CLVS1: variants seen among roughly 807,000 people sequenced by gnomAD.
The protein encoded by CLVS1 is clavesin-1.
In CLVS1, 10 loss-of-function variants were observed where a neutral mutation model predicts 33.1. The ratio of observed to expected loss-of-function variants is 0.30; its 90% CI spans 0.19 to 0.51. CLVS1 has a LOEUF of 0.51. Ranked by LOEUF, CLVS1 falls within the 20% of genes least tolerant of loss-of-function variation. The pLI, the probability that CLVS1 is intolerant of heterozygous loss-of-function variation, is 0.97. For synonymous variants in CLVS1, 163 were observed against 166.1 expected (o/e 0.98, Z 0.14); for missense variants, 343 against 433.4 (o/e 0.79, Z 1.85).
At chr8:60,967,206 A>AAGAGC in the CLVS1 span, among the ~76,000 whole-genome samples, 2 of 152,248 alleles carry the variant, frequency 1.3e-5, no homozygotes, top group Non-Finnish European at 2.9e-5. Context: ...TGGAACATGC[A>AAGAGC]AGAGCATAGG....
chr8:61,223,573 G>A (rs1808268951), intron 2 of CLVS1, among the ~76,000 whole-genome samples: 1 of 152,100 alleles, frequency 6.6e-6, no homozygotes, highest in African/African-American at 2.4e-5. Context: ...GCTTTCCTTT[G>A]TAGGTGACCT....
chr8:60,992,995 TG>T, the CLVS1 span, among the ~76,000 whole-genome samples: 2 of 152,208 alleles, frequency 1.3e-5, no homozygotes, highest in Admixed American at 6.5e-5. Flanking sequence ...TTGCTTTTAC[TG>T]TGAGGAAGAA....
At chr8:61,444,403 T>A (rs1353788943) in intron 3 of CLVS1, among the ~76,000 whole-genome samples, 16 of 152,228 alleles carry the variant, frequency 1.1e-4, no homozygotes, top group Admixed American at 1.0e-3. Flanking sequence ...AAGGTTCCTC[T>A]CCAATTCTAT....
chr8:61,055,837 G>A (rs976598684), upstream of CLVS1, among the ~76,000 whole-genome samples: 7 of 152,334 alleles, frequency 4.6e-5, no homozygotes, highest in Admixed American at 3.3e-4. Context: ...TATCTTGCCC[G>A]TGTAACTCTC....
At chr8:61,342,405 A>C (rs1324652352) in intron 2 of CLVS1, among the ~76,000 whole-genome samples, 1 of 152,180 alleles carries the variant, frequency 6.6e-6, no homozygotes, top group Non-Finnish European at 1.5e-5. Context: ...TGGAATTCTG[A>C]CACTTGTTGC....
chr8:61,260,580 A>G (rs1053055397), intron 2 of CLVS1, among the ~76,000 whole-genome samples: 5 of 152,070 alleles, frequency 3.3e-5, no homozygotes, highest in African/African-American at 1.2e-4. Context: ...TGGATAAAAT[A>G]TTGGTTAATA....
chr8:61,247,789 A>G (rs146492430), intron 2 of CLVS1, among the ~76,000 whole-genome samples: 1 of 152,300 alleles, frequency 6.6e-6, no homozygotes, highest in East Asian at 1.9e-4. Flanking sequence ...CTTAAGTTTA[A>G]TTAGATCCCA....
chr8:61,258,758 C>A (rs1431869647), intron 2 of CLVS1, among the ~76,000 whole-genome samples: 1 of 152,154 alleles, frequency 6.6e-6, no homozygotes, highest in Non-Finnish European at 1.5e-5. Flanking sequence ...TTTCTGTATA[C>A]TTAGATTAGA....
chr8:61,155,106 A>C (rs1806624128), intron 2 of CLVS1, among the ~76,000 whole-genome samples: 1 of 152,206 alleles, frequency 6.6e-6, no homozygotes, highest in African/African-American at 2.4e-5. Flanking sequence ...AGAAACAGGA[A>C]ATATAAAATT....
At chr8:61,389,391 A>C (rs1179440868) in intron 3 of CLVS1, among the ~76,000 whole-genome samples, 1 of 152,138 alleles carries the variant, frequency 6.6e-6, no homozygotes. Flanking sequence ...TACAAAAAAA[A>C]TTAGCCAGAT....
chr8:61,316,280 A>T (rs182617732), intron 2 of CLVS1, among the ~76,000 whole-genome samples: 418 of 152,310 alleles, frequency 2.7e-3, no homozygotes, highest in Non-Finnish European at 4.1e-3. Flanking sequence ...TCTTAACCCG[A>T]GGATACTGAC....
chr8:61,452,619 T>A (rs191736701), intron 3 of CLVS1, among the ~76,000 whole-genome samples: 1 of 152,338 alleles, frequency 6.6e-6, no homozygotes, highest in East Asian at 1.9e-4. Flanking sequence ...ATTAAGAATC[T>A]TTACATTTCT....
chr8:61,157,613 T>G (rs1363943746), intron 2 of CLVS1, among the ~76,000 whole-genome samples: 1 of 151,932 alleles, frequency 6.6e-6, no homozygotes. Context: ...AAATTGATAG[T>G]CAATTCACAG....
At chr8:61,126,529 T>C (rs1228907314) in intron 1 of CLVS1, among the ~76,000 whole-genome samples, 1 of 152,238 alleles carries the variant, frequency 6.6e-6, no homozygotes, top group African/African-American at 2.4e-5. Context: ...TGTATAGTTT[T>C]GTATCCAATG....
intron 3 of CLVS1, among the ~76,000 whole-genome samples, chr8:61,451,439 A>G (rs1308913116): frequency 6.6e-6 from 1 of 152,168 alleles, no homozygotes; most frequent in African/African-American, 2.4e-5. Flanking sequence ...ATTTAAAATG[A>G]TGTTATATTT....
At position 61,256,645 on chromosome 8, in the gene CLVS1, C is replaced by A. The variant is rs553551245; in HGVS notation, c.-151-43032C>A. ...ACTAACCTACTCTTTATCTCAAAAA[C>A]AAAAAAAAAAAATATTATTTTAAAA... is the stretch of plus-strand genomic sequence containing the variant. On this transcript the variant is annotated intron_variant, in intron 2 of 2. Coordinates refer to the CLVS1 transcript ENST00000522621. Among the ~76,000 whole-genome samples the A allele has an allele frequency of 5.4e-3, 431 of 79,796 alleles. 1 individual carries two copies. Among genetic ancestry groups the A allele is most frequent in the Non-Finnish European group, 6.0e-3 (303 of 50,448 alleles). The allele number at this position is 79,796 out of a possible 152,430, so 52.3% of individuals were successfully genotyped here. A position where few individuals can be genotyped will look rare whatever the true frequency, so the allele number is the denominator to read the frequency against.
chr8:61,217,352 C>T (rs576962721), intron 2 of CLVS1, among the ~76,000 whole-genome samples: 1 of 152,216 alleles, frequency 6.6e-6, no homozygotes, highest in East Asian at 1.9e-4. Context: ...AACAGACTAG[C>T]TAACTTTAAG....
At chr8:61,118,387 A>G (rs948633204) in intron 1 of CLVS1, among the ~76,000 whole-genome samples, 1 of 148,790 alleles carries the variant, frequency 6.7e-6, no homozygotes, top group Non-Finnish European at 1.5e-5. Flanking sequence ...TTCTGCTCTG[A>G]TCTTAGTTAT....
chr8:61,169,691 C>T (rs992203869), intron 2 of CLVS1, among the ~76,000 whole-genome samples: 10 of 152,174 alleles, frequency 6.6e-5, no homozygotes, highest in Non-Finnish European at 1.2e-4. Context: ...TTATTTACTA[C>T]CTCTCAAAAT....
Sources: gnomAD v4.1 joint callset for allele counts (sites outside exome capture counted in the v4.1 genomes callset) on GRCh38, gnomAD v4.1.1 for gene constraint, MANE v1.5 for transcripts, NCBI Gene and HGNC (gene_info 2026-07-23, HGNC 2026-07-21) for gene names.